The following OSBPL8 variants were observed in gnomAD, a reference collection of about 807,000 sequenced individuals.
OSBPL8 encodes the protein oxysterol-binding protein-related protein 8.
OSBPL8 carries 59 observed loss-of-function variants against 125.5 expected under a neutral mutation model. That is an observed-to-expected ratio of 0.47 (90% CI 0.38 to 0.58). OSBPL8 has a LOEUF of 0.58. Among genes scored for constraint, OSBPL8 ranks in the 20% least tolerant of loss-of-function variants. The pLI is 0.00. For synonymous variants in OSBPL8, 330 were observed against 338.9 expected (o/e 0.97, Z 0.29); for missense variants, 758 against 1,047.8 (o/e 0.72, Z 3.82).
intron 1 of OSBPL8, among the ~76,000 whole-genome samples, chr12:76,530,405 T>G (rs1422107168): frequency 6.6e-6 from 1 of 152,026 alleles, no homozygotes; most frequent in Non-Finnish European, 1.5e-5. Flanking sequence ...ACACTCTTCC[T>G]TATGGTTCAC....
intron 21 of OSBPL8, among the ~76,000 whole-genome samples, chr12:76,364,883 C>T (rs958818768): frequency 6.6e-6 from 1 of 152,098 alleles, no homozygotes; most frequent in Non-Finnish European, 1.5e-5. Context: ...TGAAAATCTG[C>T]TTTCCCATTT....
intron 1 of OSBPL8, among the ~76,000 whole-genome samples, chr12:76,508,364 G>C (rs373658134): frequency 6.6e-6 from 1 of 152,200 alleles, no homozygotes; most frequent in Non-Finnish European, 1.5e-5. Context: ...GTCAAGAACA[G>C]ACTGCATGTA....
At chr12:76,520,595 A>T (rs531592907) in intron 1 of OSBPL8, among the ~76,000 whole-genome samples, 2 of 152,280 alleles carry the variant, frequency 1.3e-5, no homozygotes, top group Non-Finnish European at 2.9e-5. Flanking sequence ...CAAACAAAGT[A>T]TGGCAAGAAA....
At position 76,397,832 on chromosome 12, in the gene OSBPL8, G is replaced by A; in HGVS notation, c.534C>T (p.Ile178=). The change falls in exon 8 of 24, where the codon ATC becomes ATT. Residue 178 remains isoleucine (I), a synonymous_variant. Coordinates refer to ENST00000261183, the MANE Select transcript of OSBPL8 (RefSeq NM_020841.5). ...ACTGACCATTTTTTTGGGTTTTATA[G>A]ATCAGTAGCACCCCAGGTTTCAACA... ...WCVLKPGVLL[I]YKTQKNGQWV... The A allele has an allele frequency of 1.9e-6, 3 of 1,614,018 alleles. No individual in the cohort carries two copies. The highest frequency in any genetic ancestry group is 2.5e-6 in the Non-Finnish European group (3 of 1,179,972).
intron 4 of OSBPL8, among the ~76,000 whole-genome samples, chr12:76,435,756 A>G (rs978179218): frequency 3.3e-5 from 5 of 152,206 alleles, no homozygotes; most frequent in African/African-American, 1.2e-4. Flanking sequence ...CATCACAATG[A>G]TGGTAAAGAA....
At chr12:76,459,695 G>A (rs1283629202) in intron 3 of OSBPL8, among the ~76,000 whole-genome samples, 164 bp downstream of exon 3, 7 of 152,132 alleles carry the variant, frequency 4.6e-5, no homozygotes, top group African/African-American at 7.2e-5. Flanking sequence ...GGGGCACTGG[G>A]TACTAAATGA....
At chr12:76,512,295 G>T (rs954800756) in intron 1 of OSBPL8, among the ~76,000 whole-genome samples, 3 of 152,184 alleles carry the variant, frequency 2.0e-5, no homozygotes, top group Admixed American at 2.0e-4. Flanking sequence ...TCTCACAAAA[G>T]ACATGATCTA....
intron 21 of OSBPL8, among the ~76,000 whole-genome samples, chr12:76,365,903 A>C (rs1952397339): frequency 6.6e-6 from 1 of 152,096 alleles, no homozygotes; most frequent in Non-Finnish European, 1.5e-5. Flanking sequence ...TGATTTTCTT[A>C]CGTGGAACCA....
intron 4 of OSBPL8, among the ~76,000 whole-genome samples, chr12:76,439,311 G>A (rs1041218871): frequency 4.6e-5 from 7 of 152,046 alleles, no homozygotes; most frequent in East Asian, 1.9e-4. Flanking sequence ...CCCAGGAGGC[G>A]GAGGTTGCAG....
intron 1 of OSBPL8, among the ~76,000 whole-genome samples, chr12:76,491,199 T>C (rs1339145399): frequency 6.6e-6 from 1 of 152,182 alleles, no homozygotes; most frequent in Admixed American, 6.5e-5. Flanking sequence ...GAAAAAAAGA[T>C]TTAGAATACT....
chr12:76,460,952 A>G (rs1293945056), intron 2 of OSBPL8, among the ~76,000 whole-genome samples: 1 of 152,220 alleles, frequency 6.6e-6, no homozygotes, highest in Non-Finnish European at 1.5e-5. Context: ...CTTGAATAAA[A>G]TCTTGGACCT....
chr12:76,476,470 T>G (rs553453438), intron 2 of OSBPL8, among the ~76,000 whole-genome samples: 21 of 152,198 alleles, frequency 1.4e-4, no homozygotes, highest in Non-Finnish European at 2.6e-4. Flanking sequence ...TTAAAGCCGA[T>G]AATACTGGGT....
intron 11 of OSBPL8, 174 bp downstream of exon 11, chr12:76,390,246 T>C (rs1403091760): frequency 1.8e-6 from 1 of 555,284 alleles, no homozygotes; most frequent in African/African-American, 1.9e-5. Flanking sequence ...TATGTGAGTA[T>C]ATGTGTTTAG....
At chr12:76,512,937 T>C (rs1429463535) in intron 1 of OSBPL8, among the ~76,000 whole-genome samples, 5 of 152,224 alleles carry the variant, frequency 3.3e-5, no homozygotes, top group Non-Finnish European at 7.3e-5. Flanking sequence ...ATCTTTTTTC[T>C]TTTTGTGGCA....
chr12:76,544,075 C>T (rs1460764273), intron 1 of OSBPL8, among the ~76,000 whole-genome samples: 1 of 152,178 alleles, frequency 6.6e-6, no homozygotes, highest in Non-Finnish European at 1.5e-5. Context: ...AACTTTAATA[C>T]AGCAGAATTA....
chr12:76,462,786 G>A (rs573007933), intron 2 of OSBPL8, among the ~76,000 whole-genome samples: 3 of 152,254 alleles, frequency 2.0e-5, no homozygotes, highest in African/African-American at 7.2e-5. Context: ...GAAGGAACCT[G>A]GCATAACAAC....
chr12:76,479,029 C>A (rs1877151532), intron 2 of OSBPL8, among the ~76,000 whole-genome samples: 1 of 152,120 alleles, frequency 6.6e-6, no homozygotes, highest in Admixed American at 6.5e-5. Context: ...CCACTGCACT[C>A]CAGCCTGGGC....
rs1952006214 is a variant in OSBPL8, at chr12:76,356,834, T to A, written c.2435-106A>T. The A allele has an allele frequency of 8.8e-6, 6 of 680,006 alleles. No individual in the cohort carries two copies. The South Asian group carries it at 1.2e-4, about 13-fold the overall frequency. 42.1% of individuals were successfully genotyped at this position (680,006 alleles called of 1,614,324 possible). On this transcript the variant is annotated intron_variant, in intron 22 of 23. Coordinates refer to ENST00000261183, the MANE Select transcript of OSBPL8 (RefSeq NM_020841.5). ...TTCCTGGGCATTTGTTTTTGTAGCC[T>A]AGAGATTAGCATAGTAATATGAATA...
At chr12:76,386,450 G>T in intron 13 of OSBPL8, 129 bp downstream of exon 13, 1 of 1,284,992 alleles carries the variant, frequency 7.8e-7, no homozygotes, top group Admixed American at 3.0e-5. Flanking sequence ...AAATGATCAG[G>T]TATTTTGCAA....
Sources: allele counts gnomAD v4.1 joint callset (sites outside exome capture counted in the v4.1 genomes callset), GRCh38; gene constraint gnomAD v4.1.1; transcripts MANE v1.5; gene names NCBI Gene and HGNC (gene_info 2026-07-23, HGNC 2026-07-21).